Variants in SLC41A3 observed in about 807,000 individuals in gnomAD.
The protein encoded by SLC41A3 is solute carrier family 41 member 3, also known as SLC41A1-like 2.
SLC41A3 carries 44 observed loss-of-function variants against 45.4 expected under a neutral mutation model. The ratio of observed to expected loss-of-function variants is 0.97; its 90% CI spans 0.76 to 1.25. The LOEUF (loss-of-function observed/expected upper bound fraction) is 1.25, where lower values mean the gene tolerates loss of function less well. Ranked by LOEUF, SLC41A3 falls within the 50% of genes most tolerant of loss-of-function variation. SLC41A3 has a pLI of 0.00. For synonymous variants in SLC41A3, 256 were observed against 252.4 expected (o/e 1.01, Z -0.13); for missense variants, 550 against 600.6 (o/e 0.92, Z 0.88).
Position 126,031,426 on chromosome 3 carries a change from G to A in SLC41A3, c.453+2181C>T, listed in dbSNP as rs140127527. On this transcript the variant is annotated intron_variant, in intron 4 of 10. Transcript: ENST00000360370. The stretch of plus-strand genomic sequence containing the variant: ...AAGGCTAGGAAGACCTCAAGGCCCC[G>A]CTCAGTGGCAGGGTTCAGGGAAGTG... Among the ~76,000 whole-genome samples the A allele has an allele frequency of 4.9e-4, 75 of 152,262 alleles. No individual in the cohort carries two copies. The Middle Eastern group carries it at 0.017, about 35-fold the overall frequency.
chr3:126,009,739 A>C lies in SLC41A3; in HGVS notation c.1106-859T>G, dbSNP rs541289274. On this transcript the variant is annotated intron_variant, in intron 9 of 10. Coordinates refer to ENST00000360370, the MANE Select transcript of SLC41A3 (RefSeq NM_017836.4). The stretch of plus-strand genomic sequence containing the variant: ...AGACATGGAATAAAAGTATTATTTT[A>C]AAAAATGTCAAAAAGAAGCAGCAAA... 7.2e-5 allele frequency among the ~76,000 whole-genome samples: 11 copies of C among 152,384 alleles called. 1 individual carries two copies. The South Asian group carries it at 2.1e-3, about 29-fold the overall frequency.
intron 2 of SLC41A3, among the ~76,000 whole-genome samples, chr3:126,054,826 T>C (rs113976778): frequency 1.0e-3 from 156 of 151,870 alleles, no homozygotes; most frequent in African/African-American, 3.6e-3. Context: ...ATCAGCAGGG[T>C]GGTCTCAGGG....
intron 6 of SLC41A3, 131 bp downstream of exon 6, chr3:126,022,655 A>T: frequency 8.5e-7 from 1 of 1,180,410 alleles, no homozygotes; most frequent in Non-Finnish European, 1.2e-6. Flanking sequence ...CAACACATGA[A>T]ATGTGGGGGA....
intron 4 of SLC41A3, among the ~76,000 whole-genome samples, chr3:126,027,058 TG>T (rs1941415358): frequency 6.6e-6 from 1 of 152,166 alleles, no homozygotes; most frequent in Non-Finnish European, 1.5e-5. Flanking sequence ...TCCAAAATGC[TG>T]ACCTGGAAAC....
intron 3 of SLC41A3, among the ~76,000 whole-genome samples, chr3:126,049,290 C>G (rs1228932504): frequency 1.3e-5 from 2 of 152,102 alleles, no homozygotes; most frequent in African/African-American, 4.8e-5. Context: ...AGTTCAAGAC[C>G]AGCCTGACCA....
intron 1 of SLC41A3, among the ~76,000 whole-genome samples, chr3:126,083,610 G>T (rs1373722740): frequency 2.0e-5 from 3 of 152,014 alleles, no homozygotes; most frequent in African/African-American, 7.2e-5. Flanking sequence ...GGCAGCGAGG[G>T]GTCCCTGCGC....
At position 126,096,555 on chromosome 3, in the gene SLC41A3, T is replaced by G. The variant is rs1009742177; in HGVS notation, c.-79+4874A>C. ...TGGCCTGCCCAGGGTGGAAAACTGC[T>G]TAAAGGCGTTCTTAAACCACAAACG... On this transcript the variant is annotated intron_variant, in intron 1 of 9. Coordinates refer to the SLC41A3 transcript ENST00000508835. 1.1e-4 allele frequency among the ~76,000 whole-genome samples: 16 copies of G among 152,236 alleles called. 1 individual carries two copies. The highest frequency in any genetic ancestry group is 3.9e-4 in the African/African-American group (16 of 41,450).
At chr3:126,072,095 T>C (rs972335917) in intron 1 of SLC41A3, among the ~76,000 whole-genome samples, 4 of 152,078 alleles carry the variant, frequency 2.6e-5, no homozygotes, top group African/African-American at 4.8e-5. Context: ...AAATAAGTAA[T>C]GGGTCAAAGA....
chr3:126,037,597 G>A (rs1942294796), intron 3 of SLC41A3, among the ~76,000 whole-genome samples: 1 of 152,126 alleles, frequency 6.6e-6, no homozygotes, highest in East Asian at 1.9e-4. Context: ...AATTTCTAAG[G>A]AGCAAATTTC....
At chr3:126,075,736 T>C (rs1292628032) in intron 1 of SLC41A3, among the ~76,000 whole-genome samples, 5 of 151,980 alleles carry the variant, frequency 3.3e-5, no homozygotes, top group Non-Finnish European at 7.4e-5. Flanking sequence ...GGGGAAAGAG[T>C]AGTGTCTTCA....
chr3:126,020,532 G>A (rs1323970105), intron 6 of SLC41A3, among the ~76,000 whole-genome samples: 1 of 152,074 alleles, frequency 6.6e-6, no homozygotes, highest in Non-Finnish European at 1.5e-5. Context: ...AGTTCACCAG[G>A]TAAACCAAAA....
chr3:126,082,517 G>A (rs555984656), intron 1 of SLC41A3, among the ~76,000 whole-genome samples: 1 of 152,316 alleles, frequency 6.6e-6, no homozygotes, highest in Non-Finnish European at 1.5e-5. Flanking sequence ...AGGCTGGGCA[G>A]GACAGGTTGT....
At chr3:126,033,054 T>A (rs184931102) in intron 4 of SLC41A3, among the ~76,000 whole-genome samples, 1 of 152,164 alleles carries the variant, frequency 6.6e-6, no homozygotes, top group African/African-American at 2.4e-5. Context: ...TCAGTGGAAC[T>A]GGGACCTGGG....
At chr3:126,046,128 A>T (rs532167032) in intron 3 of SLC41A3, among the ~76,000 whole-genome samples, 4 of 152,270 alleles carry the variant, frequency 2.6e-5, no homozygotes, top group Admixed American at 6.5e-5. Flanking sequence ...TGAAAATCCC[A>T]CAGTAAACAT....
intron 5 of SLC41A3, chr3:126,025,313 A>T (rs1252753127): frequency 1.3e-5 from 2 of 151,900 alleles, no homozygotes; most frequent in Non-Finnish European, 2.9e-5. Flanking sequence ...TCGCAGATAC[A>T]CGTTAAGCAC....
chr3:126,031,762 G>A (rs1207789019), intron 4 of SLC41A3, among the ~76,000 whole-genome samples: 1 of 152,210 alleles, frequency 6.6e-6, no homozygotes, highest in Admixed American at 6.5e-5. Flanking sequence ...AAGATTTTAT[G>A]GAAAACAGCA....
At chr3:126,086,410 T>TTTTTTTG (rs1945391493), upstream of SLC41A3, among the ~76,000 whole-genome samples, 2 of 128,784 alleles carry the variant, frequency 1.6e-5, no homozygotes, top group Non-Finnish European at 3.3e-5. Context: ...GTTTTCTTGT[T>TTTTTTTG]TTTTTTTTTT....
rs1339989560 is a variant in SLC41A3, at chr3:126,007,068, T to G, written c.1412A>C (p.Lys471Thr). Reference sequence around the variant, plus strand: ...GATGCCACCCAGCTCTGCCTTGCTCTTCAGTAGCCAGTCAGTGAAAAAGCA... The same window carrying G: ...GATGCCACCCAGCTCTGCCTTGCTCGTCAGTAGCCAGTCAGTGAAAAAGCA... ...ALCFFTDWLL[K>T]SKAELGGISE... The change falls in exon 11 of 11, where the codon AAG becomes ACG. Residue 471 changes from lysine (K) to threonine (T), a missense_variant. Lys to Thr is a moderately conservative substitution (Grantham distance 78). Coordinates refer to ENST00000360370, the MANE Select transcript of SLC41A3 (RefSeq NM_017836.4). The G allele has an allele frequency of 6.2e-7, 1 of 1,614,086 alleles. No homozygotes were observed. The highest frequency in any genetic ancestry group is 2.2e-5 in the East Asian group (1 of 44,888).
At chr3:126,014,464 C>T (rs1940060478) in intron 8 of SLC41A3, among the ~76,000 whole-genome samples, 2 of 152,072 alleles carry the variant, frequency 1.3e-5, no homozygotes, top group Admixed American at 1.3e-4. Flanking sequence ...TGCCATTTCT[C>T]ACTGTCTAGC....
Sources: gnomAD v4.1 joint callset for allele counts (sites outside exome capture counted in the v4.1 genomes callset) on GRCh38, gnomAD v4.1.1 for gene constraint, MANE v1.5 for transcripts, NCBI Gene and HGNC (gene_info 2026-07-23, HGNC 2026-07-21) for gene names.